The following UNC13A variants were observed in gnomAD, a reference collection of about 807,000 sequenced individuals.
The protein encoded by UNC13A is unc-13 homolog A, also known as protein unc-13 homolog A.
A neutral mutation model predicts 219.7 loss-of-function variants in UNC13A; 61 were observed. That is an observed-to-expected ratio of 0.28 (90% CI 0.23 to 0.34). UNC13A has a LOEUF of 0.34. UNC13A is among the 10% of genes least tolerant of loss of function. UNC13A has a pLI of 1.00. For synonymous variants in UNC13A, 920 were observed against 884.6 expected, an observed-to-expected ratio of 1.04 and a Z score of -0.71; for missense variants, 1,476 against 2,270.3, an observed-to-expected ratio of 0.65 and a Z score of 7.11.
At chr19:17,659,949 G>A (rs375209377) in intron 8 of UNC13A, among the ~76,000 whole-genome samples, 52 of 152,302 alleles carry the variant, frequency 3.4e-4, no homozygotes, top group African/African-American at 1.1e-3. Context: ...GGGCTGGAGC[G>A]CAGTGGCGCG....
chr19:17,621,592 G>T (rs926185009), intron 37 of UNC13A, among the ~76,000 whole-genome samples: 1 of 152,172 alleles, frequency 6.6e-6, no homozygotes, highest in Non-Finnish European at 1.5e-5. Flanking sequence ...ATTGCTGTGG[G>T]AGGATGGGAG....
In UNC13A at chr19:17,655,374, G is replaced by T. The variant is rs554093295; in HGVS notation, c.1292C>A (p.Pro431Gln). 10 of 1,580,318 alleles carry T rather than the reference G, an allele frequency of 6.3e-6. No individual in the cohort carries two copies. Among genetic ancestry groups the T allele is most frequent in the Non-Finnish European group, 7.7e-6 (9 of 1,163,556 alleles). The change falls in exon 11 of 44, where the codon CCG becomes CAG. Residue 431 changes from proline to glutamine, a missense_variant. Pro to Gln is a moderately conservative substitution (Grantham distance 76). Transcript: ENST00000519716. ...EPPKDEESFR[P>Q]REDEEGQEGQ... ...CTCCTGGCCTTCCTCATCCTCTCTC[G>T]GCCTGAAACTGAGGCAGGGAACGCT... is the stretch of plus-strand genomic sequence containing the variant.
intron 1 of UNC13A, among the ~76,000 whole-genome samples, chr19:17,682,347 T>A (rs116142182): frequency 0.019 from 2,827 of 152,162 alleles, 84 homozygotes; most frequent in African/African-American, 0.065. Context: ...CATTAGAGAG[T>A]TCTGGCAAAC....
At chr19:17,677,328 C>T (rs1419015743) in intron 1 of UNC13A, among the ~76,000 whole-genome samples, 2 of 151,318 alleles carry the variant, frequency 1.3e-5, no homozygotes, top group African/African-American at 4.9e-5. Flanking sequence ...CCACACTGAG[C>T]TCTTCCCTCC....
rs181258320 is a variant in UNC13A at position 17,666,845 on chromosome 19, G to C, written c.469-141C>G. 2.9e-5 allele frequency: 13 copies of C among 447,014 alleles called. No homozygotes were observed. In the Admixed American group the frequency reaches 5.8e-4, roughly 20 times the overall value. 27.7% of individuals were successfully genotyped at this position (447,014 alleles called of 1,614,324 possible). ...CCTCTCTATGAGAAGGATACAGGGA[G>C]TAAGAGAGAAAAGGAGAGAAAGACA... On this transcript the variant is annotated intron_variant, in intron 6 of 43. Transcript: ENST00000519716.
At chr19:17,640,810 G>T in intron 21 of UNC13A, 149 bp from the exon 22 acceptor site, 1 of 719,346 alleles carries the variant, frequency 1.4e-6, no homozygotes, top group South Asian at 2.9e-5. Context: ...TTGGGTCTCC[G>T]CATCTCCTCT....
At position 17,602,427 on chromosome 19, in the gene UNC13A, C is replaced by T. The variant is rs1050640506; in HGVS notation, c.*3627G>A. ...ACTCTGAGGCATCCCTCAATGTCACCCCTTTAACCCTTGCCCTGCCACAGG... is the reference window on the plus strand; with the variant it reads ...ACTCTGAGGCATCCCTCAATGTCACTCCTTTAACCCTTGCCCTGCCACAGG... On this transcript the variant is annotated 3_prime_UTR_variant, in exon 44 of 44. Transcript: ENST00000519716. 1 of 152,156 alleles carries T rather than the reference C, an allele frequency of 6.6e-6. No individual in the cohort carries two copies. The highest frequency in any genetic ancestry group is 1.5e-5 in the Non-Finnish European group (1 of 68,040). The allele number at this position is 152,156 out of a possible 1,614,324, so 9.4% of individuals were successfully genotyped here.
intron 29 of UNC13A, 127 bp from the exon 30 acceptor site, chr19:17,630,415 G>A (rs1250122524): frequency 3.5e-6 from 5 of 1,440,862 alleles, no homozygotes; most frequent in East Asian, 2.5e-5. Flanking sequence ...GACAGAGGGC[G>A]AGGTAGACTT....
At chr19:17,624,135 G>T (rs10418217) in intron 35 of UNC13A, among the ~76,000 whole-genome samples, 75,044 of 142,752 alleles carry the variant, frequency 0.53, 21,441 homozygotes, top group African/African-American at 0.75. Flanking sequence ...TTTTTTTTTT[G>T]TTTTTTTGAG....
chr19:17,662,617 A>G (rs1424293751), intron 8 of UNC13A, among the ~76,000 whole-genome samples: 1 of 152,174 alleles, frequency 6.6e-6, no homozygotes, highest in African/African-American at 2.4e-5. Flanking sequence ...GCTGTTAGGT[A>G]GAAAAACGGA....
intron 25 of UNC13A, among the ~76,000 whole-genome samples, chr19:17,637,697 A>T (rs1297760153): frequency 1.3e-5 from 2 of 151,946 alleles, no homozygotes. Flanking sequence ...GTTCACCTCA[A>T]CTCAATTCAA....
chr19:17,618,809 A>G (rs187387992), intron 39 of UNC13A, 97 bp downstream of exon 39: 2 of 1,194,598 alleles, frequency 1.7e-6, no homozygotes, highest in East Asian at 2.3e-5. Flanking sequence ...AATGCATGTC[A>G]TCATCCTGGG....
At chr19:17,667,675 G>A (rs1195036011) in intron 6 of UNC13A, among the ~76,000 whole-genome samples, 4 of 151,530 alleles carry the variant, frequency 2.6e-5, no homozygotes, top group East Asian at 2.0e-4. Context: ...GGGTTTCACC[G>A]TGTTGGCCAG....
chr19:17,680,919 G>T (rs2145928210), intron 1 of UNC13A, among the ~76,000 whole-genome samples: 2 of 56,218 alleles, frequency 3.6e-5, no homozygotes, highest in Non-Finnish European at 3.2e-5. Context: ...TTTTGACAGG[G>T]TCTCTCTCTG....
intron 1 of UNC13A, among the ~76,000 whole-genome samples, chr19:17,677,804 C>T (rs959891468): frequency 6.6e-6 from 1 of 152,158 alleles, no homozygotes; most frequent in Non-Finnish European, 1.5e-5. Flanking sequence ...TCTTTCCATC[C>T]CAGCCCTTCA....
At chr19:17,635,605 C>T (rs1440703222) in intron 26 of UNC13A, among the ~76,000 whole-genome samples, 1 of 152,082 alleles carries the variant, frequency 6.6e-6, no homozygotes, top group Admixed American at 6.6e-5. Flanking sequence ...AAACCCAAAA[C>T]CCACTGACCA....
chr19:17,639,906 T>C lies in UNC13A; in HGVS notation c.2790A>G (p.Lys930=). ...SDRFAASNFG[K]ERFVKLLDQL... ...GGTCCAGGAGTTTCACGAAGCGCTC[T>C]TTCTGAGGAGGAAGGGGAGGAGGGA... is the stretch of plus-strand genomic sequence containing the variant. Residue 930 remains lysine, a splice_region_variant and synonymous_variant, in exon 23 of 44, where the codon AAA becomes AAG. Transcript: ENST00000519716. 1.9e-6 allele frequency: 3 copies of C among 1,613,724 alleles called. No homozygotes were observed. Among genetic ancestry groups the C allele is most frequent in the Non-Finnish European group, 2.5e-6 (3 of 1,179,828 alleles).
intron 1 of UNC13A, 28 bp from the exon 2 acceptor site, chr19:17,676,069 G>T (rs749080373): frequency 6.4e-7 from 1 of 1,551,622 alleles, no homozygotes; most frequent in African/African-American, 1.4e-5. Flanking sequence ...GATAGGGAAG[G>T]GAGGTGGGGA....
At chr19:17,651,735 G>C (rs11667966) in intron 12 of UNC13A, among the ~76,000 whole-genome samples, 102,911 of 151,772 alleles carry the variant, frequency 0.68, 35,803 homozygotes, top group African/African-American at 0.85. Flanking sequence ...ACAGGAATCC[G>C]CATTTCAGGA....
Sources: allele counts gnomAD v4.1 joint callset (sites outside exome capture counted in the v4.1 genomes callset), GRCh38; gene constraint gnomAD v4.1.1; transcripts MANE v1.5; gene names NCBI Gene and HGNC (gene_info 2026-07-23, HGNC 2026-07-21).